SOX5: variants seen among roughly 807,000 people sequenced by gnomAD.
SOX5 encodes the protein SRY-box transcription factor 5.
SOX5 carries 9 observed loss-of-function variants against 92.0 expected under a neutral mutation model. The observed-to-expected ratio is 0.10, with a 90% CI of 0.06 to 0.17. The LOEUF (loss-of-function observed/expected upper bound fraction) is 0.17, where lower values mean the gene tolerates loss of function less well. SOX5 is among the 10% of genes least tolerant of loss of function. SOX5 has a pLI of 1.00. For missense variants in SOX5, 642 were observed against 944.5 expected (o/e 0.68, Z 4.20); for synonymous variants, 344 against 336.3 (o/e 1.02, Z -0.25).
chr12:24,036,442 GTTGA>G (rs2136935631), intron 4 of SOX5, among the ~76,000 whole-genome samples: 1 of 152,262 alleles, frequency 6.6e-6, no homozygotes, highest in Admixed American at 6.5e-5. Context: ...GGTATACAGG[GTTGA>G]TTTTCAAGGT....
At chr12:23,554,187 T>C (rs1565765081) in intron 11 of SOX5, among the ~76,000 whole-genome samples, 1 of 152,064 alleles carries the variant, frequency 6.6e-6, no homozygotes. Context: ...ACAAAGTAAC[T>C]AGGATTGAGT....
chr12:24,094,246 G>A (rs1389421593), intron 4 of SOX5, among the ~76,000 whole-genome samples: 3 of 152,048 alleles, frequency 2.0e-5, no homozygotes, highest in East Asian at 1.9e-4. Flanking sequence ...CACACCCAGC[G>A]AAATTGTATA....
intron 3 of SOX5, among the ~76,000 whole-genome samples, chr12:24,249,522 T>C (rs890532289): frequency 6.6e-6 from 1 of 152,250 alleles, no homozygotes; most frequent in African/African-American, 2.4e-5. Context: ...CAGCAGCCTG[T>C]AATTTTACTC....
chr12:23,593,784 A>G (rs2137195835), intron 9 of SOX5, among the ~76,000 whole-genome samples: 1 of 152,208 alleles, frequency 6.6e-6, no homozygotes, highest in South Asian at 2.1e-4. Context: ...GTGGCGTTGC[A>G]TGTTTATATG....
At chr12:24,335,972 C>CATATATATATATATATATATATATAT (rs57461232) in intron 2 of SOX5, among the ~76,000 whole-genome samples, 1,950 of 58,140 alleles carry the variant, frequency 0.034, 289 homozygotes, top group East Asian at 0.044. Context: ...GAAATGCTAT[C>CATATATATATATATATATATATATAT]ATATATATAT....
intron 13 of SOX5, among the ~76,000 whole-genome samples, chr12:23,540,111 G>C (rs992601126): frequency 1.3e-5 from 2 of 150,538 alleles, no homozygotes; most frequent in African/African-American, 4.9e-5. Context: ...AAAAAAAAGA[G>C]AGAAAAAATA....
chr12:23,797,786 G>T (rs1408502026), intron 3 of SOX5, among the ~76,000 whole-genome samples: 1 of 152,000 alleles, frequency 6.6e-6, no homozygotes, highest in Non-Finnish European at 1.5e-5. Flanking sequence ...AAAAGATAAA[G>T]CTATGCGCTA....
At chr12:23,832,782 T>C (rs555218451) in intron 3 of SOX5, among the ~76,000 whole-genome samples, 1 of 151,482 alleles carries the variant, frequency 6.6e-6, no homozygotes, top group African/African-American at 2.4e-5. Context: ...ACAAGGTAGA[T>C]GCTCACTTTT....
intron 4 of SOX5, among the ~76,000 whole-genome samples, chr12:24,057,879 TA>T (rs935203800): frequency 2.9e-4 from 44 of 152,246 alleles, no homozygotes; most frequent in African/African-American, 1.0e-3. Flanking sequence ...TCTGCTGGTG[TA>T]AAATCTTGAA....
chr12:23,640,427 G>A (rs112429969), intron 8 of SOX5, among the ~76,000 whole-genome samples: 2,143 of 152,270 alleles, frequency 0.014, 43 homozygotes, highest in African/African-American at 0.049. Context: ...GGCATCCTGA[G>A]CAATTTGAAA....
At chr12:23,783,507 GAATT>G (rs1354201460) in intron 3 of SOX5, among the ~76,000 whole-genome samples, 3 of 152,034 alleles carry the variant, frequency 2.0e-5, no homozygotes, top group Non-Finnish European at 4.4e-5. Flanking sequence ...ATGTGCTGAG[GAATT>G]AAGTTGAAAT....
chr12:23,786,588 T>TAATTTAGAAGCATTAGATAC (rs1268237626), intron 3 of SOX5, among the ~76,000 whole-genome samples: 1 of 146,938 alleles, frequency 6.8e-6, no homozygotes, highest in South Asian at 2.2e-4. Context: ...CATAGTGCTT[T>TAATTTAGAAGCATTAGATAC]TGTAGGAGAT....
At chr12:24,401,078 G>A (rs1458230777) in intron 1 of SOX5, among the ~76,000 whole-genome samples, 2 of 152,130 alleles carry the variant, frequency 1.3e-5, no homozygotes, top group East Asian at 3.9e-4. Flanking sequence ...TGTTGGCCAG[G>A]CACGGCGGCT....
At chr12:24,137,908 A>T (rs1200287110) in intron 4 of SOX5, among the ~76,000 whole-genome samples, 1 of 152,156 alleles carries the variant, frequency 6.6e-6, no homozygotes, top group Admixed American at 6.5e-5. Context: ...CTCACCCCCA[A>T]TCCCTGATAT....
At chr12:24,560,240 ATAAT>A (rs1265070781) in intron 1 of SOX5, among the ~76,000 whole-genome samples, 1 of 152,190 alleles carries the variant, frequency 6.6e-6, no homozygotes, top group Non-Finnish European at 1.5e-5. Flanking sequence ...AAATAACTAA[ATAAT>A]TATGCACATC....
intron 1 of SOX5, among the ~76,000 whole-genome samples, chr12:23,899,314 T>A (rs1303576927): frequency 6.6e-6 from 1 of 150,484 alleles, no homozygotes; most frequent in Admixed American, 6.7e-5. Flanking sequence ...GACAGGAGAA[T>A]CACTTGAACC....
At chr12:23,673,093 A>C (rs2085061621) in intron 6 of SOX5, among the ~76,000 whole-genome samples, 1 of 152,204 alleles carries the variant, frequency 6.6e-6, no homozygotes, top group African/African-American at 2.4e-5. Context: ...GGTTGCAAAA[A>C]CATGGTGTAA....
At chr12:24,127,259 C>T (rs1036447611) in intron 4 of SOX5, among the ~76,000 whole-genome samples, 11 of 151,560 alleles carry the variant, frequency 7.3e-5, no homozygotes, top group Non-Finnish European at 1.5e-4. Context: ...GGCATGGTGG[C>T]GCATGCCTGT....
intron 3 of SOX5, among the ~76,000 whole-genome samples, chr12:23,760,940 A>G (rs1442562836): frequency 6.6e-6 from 1 of 152,094 alleles, no homozygotes; most frequent in Admixed American, 6.6e-5. Flanking sequence ...GAACAAACAA[A>G]AAGTACGCTA....
Sources: allele counts gnomAD v4.1 joint callset (sites outside exome capture counted in the v4.1 genomes callset), GRCh38; gene constraint gnomAD v4.1.1; transcripts MANE v1.5; gene names NCBI Gene and HGNC (gene_info 2026-07-23, HGNC 2026-07-21).